FGD6: variants seen among roughly 807,000 people sequenced by gnomAD.
FGD6 encodes the protein FYVE, RhoGEF and PH domain-containing protein 6.
A neutral mutation model predicts 149.4 loss-of-function variants in FGD6; 90 were observed. The observed-to-expected ratio is 0.60, with a 90% confidence interval of 0.51 to 0.72. FGD6 has a LOEUF of 0.72. Among genes scored for constraint, FGD6 ranks in the 30% least tolerant of loss-of-function variants. The pLI is 0.00. For missense variants in FGD6, 1,437 were observed against 1,684.8 expected, an observed-to-expected ratio of 0.85 and a Z score of 2.57; for synonymous variants, 527 against 584.0, an observed-to-expected ratio of 0.90 and a Z score of 1.41.
chr12:95,200,078 C>T (rs1881832163), intron 2 of FGD6, among the ~76,000 whole-genome samples: 1 of 152,038 alleles, frequency 6.6e-6, no homozygotes, highest in Non-Finnish European at 1.5e-5. Flanking sequence ...ACAAAACAGG[C>T]TATTCTAAGT....
chr12:95,172,462 G>T, intron 3 of FGD6, 138 bp downstream of exon 3: 1 of 727,358 alleles, frequency 1.4e-6, no homozygotes, highest in Non-Finnish European at 2.2e-6. Flanking sequence ...CCACATTATA[G>T]CAGGAATTAA....
rs2056723313 is a variant in FGD6, at chr12:95,210,974, C to G, written c.310G>C (p.Asp104His). The G allele has an allele frequency of 6.2e-7, 1 of 1,614,106 alleles. No individual in the cohort carries two copies. The highest frequency in any genetic ancestry group is 8.5e-7 in the Non-Finnish European group (1 of 1,180,052). Residue 104 changes from aspartate (D) to histidine (H), a missense_variant, in exon 2 of 21, where the codon GAT becomes CAT. Around this residue, in one of 2 missense-constraint regions of FGD6, gnomAD observed 1,055 missense variants for 1,146.0 expected, o/e 0.92. Transcript: ENST00000343958. ...NCKYEGNQSN[D>H]YISPMCSCSS... ...CAGGAACACATTGGTGAAATATAAT[C>G]ATTGCTCTGATTGCCTTCATATTTA...
At chr12:95,168,328 G>T (rs1485196977) in intron 3 of FGD6, among the ~76,000 whole-genome samples, 1 of 152,188 alleles carries the variant, frequency 6.6e-6, no homozygotes, top group African/African-American at 2.4e-5. Context: ...CAGAAAGCTT[G>T]ATTTGAGATG....
intron 2 of FGD6, among the ~76,000 whole-genome samples, chr12:95,194,386 C>T (rs1218204425): frequency 6.6e-6 from 1 of 152,086 alleles, no homozygotes; most frequent in Non-Finnish European, 1.5e-5. Flanking sequence ...CAGGCATGAA[C>T]CACTATGCCT....
chr12:95,107,778 A>T (rs1268960857), intron 11 of FGD6, 147 bp from the exon 12 acceptor site: 1 of 758,860 alleles, frequency 1.3e-6, no homozygotes, highest in East Asian at 2.7e-5. Flanking sequence ...AGTCATAGTT[A>T]ATTTTAAACC....
In FGD6 at chr12:95,212,907, G is replaced by A. The variant is rs527959029; in HGVS notation, c.17-1640C>T. On this transcript the variant is annotated intron_variant, in intron 1 of 20. Transcript: ENST00000343958. The stretch of plus-strand genomic sequence containing the variant: ...ATGTGTGCAATAAAGATTATATGAT[G>A]TATATGATGATACATGTCCTCTCAC... Among the ~76,000 whole-genome samples, 6 of 152,266 alleles carry A rather than the reference G, an allele frequency of 3.9e-5. No homozygotes were observed. The South Asian group carries it at 1.0e-3, about 26-fold the overall frequency.
intron 3 of FGD6, among the ~76,000 whole-genome samples, chr12:95,157,176 A>G (rs893977537): frequency 5.9e-5 from 9 of 152,234 alleles, no homozygotes; most frequent in African/African-American, 2.2e-4. Flanking sequence ...GTAGCCACTA[A>G]TCTTACAGTT....
At chr12:95,127,831 C>A (rs1879391322) in intron 8 of FGD6, among the ~76,000 whole-genome samples, 1 of 152,124 alleles carries the variant, frequency 6.6e-6, no homozygotes, top group South Asian at 2.1e-4. Flanking sequence ...CACATTTAAT[C>A]AAAGGACTAT....
At chr12:95,104,618 G>C (rs1878548878) in intron 14 of FGD6, among the ~76,000 whole-genome samples, 1 of 151,998 alleles carries the variant, frequency 6.6e-6, no homozygotes, top group Admixed American at 6.6e-5. Context: ...TGTATTGTTA[G>C]TAGAGATGGG....
chr12:95,209,895 G>C lies in FGD6; in HGVS notation c.1389C>G (p.Cys463Trp), dbSNP rs1270774378. 1 of 1,613,354 alleles carries C rather than the reference G, an allele frequency of 6.2e-7. No individual in the cohort carries two copies. Among genetic ancestry groups the C allele is most frequent in the Non-Finnish European group, 8.5e-7 (1 of 1,179,900 alleles). ...MSLPKQLKLT[C>W]NEHLQSGRNL... The stretch of plus-strand genomic sequence containing the variant: ...TTCTCCCAGATTGCAAATGTTCATT[G>C]CAAGTTAATTTGAGCTGCTTAGGCA... Residue 463 changes from cysteine (C) to tryptophan (W), a missense_variant, in exon 2 of 21, where the codon TGC (cysteine) becomes TGG (tryptophan). Cys to Trp is a radical substitution (Grantham distance 215, BLOSUM62 -2). This residue lies in a region of FGD6 where 1,055 missense variants were observed against 1,146.0 expected (regional missense o/e 0.92). Coordinates refer to ENST00000343958, the MANE Select transcript of FGD6 (RefSeq NM_018351.4).
chr12:95,197,648 G>A (rs931251594), intron 2 of FGD6, among the ~76,000 whole-genome samples: 2 of 151,862 alleles, frequency 1.3e-5, no homozygotes, highest in African/African-American at 4.8e-5. Flanking sequence ...TTTACTTTGG[G>A]GACCCATAAA....
chr12:95,108,899 A>G (rs535363608), intron 9 of FGD6, among the ~76,000 whole-genome samples: 56 of 152,364 alleles, frequency 3.7e-4, no homozygotes, highest in African/African-American at 1.3e-3. Context: ...TCAAGTTTAC[A>G]AAGATAAGGA....
In FGD6 at chr12:95,209,454, A is replaced by AGCCTGCTTT; in HGVS notation, c.1829_1830insAAAGCAGGC (p.Asp610delinsGluLysGlnAla). 6.2e-7 allele frequency: 1 copy of AGCCTGCTTT among 1,612,092 alleles called. No individual in the cohort carries two copies. Among genetic ancestry groups the AGCCTGCTTT allele is most frequent in the Non-Finnish European group, 8.5e-7 (1 of 1,179,180 alleles). On this transcript the variant is annotated protein_altering_variant, in exon 2 of 21. Coordinates refer to ENST00000343958, the MANE Select transcript of FGD6 (RefSeq NM_018351.4). ...TGCAAGGCTTAGTGCACTTTTCCACATCCATAGCAGATAACGATTTTGCTC... is the reference window on the plus strand; with the variant it reads ...TGCAAGGCTTAGTGCACTTTTCCACAGCCTGCTTTTCCATAGCAGATAACGATTTTGCTC...
intron 8 of FGD6, among the ~76,000 whole-genome samples, chr12:95,116,494 A>G (rs903073746): frequency 6.6e-6 from 1 of 152,208 alleles, no homozygotes; most frequent in South Asian, 2.1e-4. Flanking sequence ...GCTCCCCAGA[A>G]GATGTCCATA....
At chr12:95,172,174 G>A (rs1415259875) in intron 3 of FGD6, among the ~76,000 whole-genome samples, 1 of 152,122 alleles carries the variant, frequency 6.6e-6, no homozygotes, top group Non-Finnish European at 1.5e-5. Flanking sequence ...TCAGGAGTTT[G>A]AGGCCAGCCT....
rs751389254 is a variant in FGD6, at chr12:95,104,988, A to G, written c.3497+19T>C. ...CAGAATGAGAAAAAAAAAAAAAAAA[A>G]GAAGAAGAAAAAATTTACCTGGCTG... is the stretch of plus-strand genomic sequence containing the variant. On this transcript the variant is annotated intron_variant, in intron 14 of 20. Transcript: ENST00000343958. 9.2e-6 allele frequency: 13 copies of G among 1,407,676 alleles called. No homozygotes were observed. The highest frequency in any genetic ancestry group is 1.9e-4 in the Middle Eastern group (1 of 5,162). 87.2% of individuals were successfully genotyped at this position (1,407,676 alleles called of 1,614,324 possible). A position where few individuals can be genotyped will look rare whatever the true frequency, so the allele number is the denominator to read the frequency against.
chr12:95,156,606 C>A (rs907816133), intron 3 of FGD6, among the ~76,000 whole-genome samples: 5 of 152,138 alleles, frequency 3.3e-5, no homozygotes, highest in Admixed American at 1.3e-4. Flanking sequence ...CTCCATTTGC[C>A]TTGTGATATT....
chr12:95,159,627 C>T (rs1880579656), intron 3 of FGD6, among the ~76,000 whole-genome samples: 1 of 152,164 alleles, frequency 6.6e-6, no homozygotes, highest in African/African-American at 2.4e-5. Context: ...TGCTTGAACA[C>T]AGGAGTTCGA....
chr12:95,159,594 T>C (rs1880578675), intron 3 of FGD6, among the ~76,000 whole-genome samples: 1 of 152,176 alleles, frequency 6.6e-6, no homozygotes, highest in African/African-American at 2.4e-5. Context: ...ATCTCATATT[T>C]TGGGAGGCCA....
Sources: gnomAD v4.1 joint callset for allele counts (sites outside exome capture counted in the v4.1 genomes callset) on GRCh38, gnomAD v4.1.1 for gene constraint, gnomAD v4.1.1 regional missense constraint, MANE v1.5 for transcripts, NCBI Gene and HGNC (gene_info 2026-07-23, HGNC 2026-07-21) for gene names.